Variants in GADL1 observed in about 807,000 individuals in gnomAD.
The protein encoded by GADL1 is GAD like acidic amino acid decarboxylase 1, also known as acidic amino acid decarboxylase GADL1.
GADL1 carries 71 observed loss-of-function variants against 69.5 expected under a neutral mutation model. The ratio of observed to expected loss-of-function variants is 1.02; its 90% CI spans 0.84 to 1.25. The LOEUF is 1.25. Among genes scored for constraint, GADL1 ranks in the 50% most tolerant of loss-of-function variants. The probability of loss-of-function intolerance (pLI) is 0.00; values close to 1 mark genes in which losing one functional copy is unlikely to be tolerated. For missense variants in GADL1, 737 were observed against 631.8 expected (o/e 1.17, Z -1.79); for synonymous variants, 254 against 214.4 (o/e 1.18, Z -1.62).
chr3:30,759,273 C>A (rs192181949), intron 14 of GADL1, among the ~76,000 whole-genome samples: 65 of 151,852 alleles, frequency 4.3e-4, no homozygotes, highest in African/African-American at 1.5e-3. Flanking sequence ...ATCTATAAAT[C>A]TTTTTCTTCC....
chr3:30,827,315 C>T (rs1697696921), intron 11 of GADL1, among the ~76,000 whole-genome samples: 1 of 151,740 alleles, frequency 6.6e-6, no homozygotes, highest in African/African-American at 2.4e-5. Flanking sequence ...CAGTTCAAGC[C>T]CTGCATTAGG....
At chr3:30,851,743 C>A (rs1698150733) in intron 4 of GADL1, among the ~76,000 whole-genome samples, 1 of 152,106 alleles carries the variant, frequency 6.6e-6, no homozygotes, top group Non-Finnish European at 1.5e-5. Context: ...CGAGCGTCAG[C>A]CAAGATTGTC....
At position 30,733,888 on chromosome 3, in the gene GADL1, C is replaced by T. The variant is rs114042484; in HGVS notation, c.1393-5473G>A. Among the ~76,000 whole-genome samples, 224 of 152,180 alleles carry T rather than the reference C, an allele frequency of 1.5e-3. 1 individual carries two copies. Among genetic ancestry groups the T allele is most frequent in the African/African-American group, 5.1e-3 (211 of 41,530 alleles). On this transcript the variant is annotated intron_variant, in intron 14 of 14. Coordinates refer to ENST00000282538, the MANE Select transcript of GADL1 (RefSeq NM_207359.3). ...AATTCAGACTTTGATGGGCTTTCCC[C>T]GTGCCTCCCCCTTCTGAGGGGGTGC...
rs548600426 is a variant in GADL1 at position 30,727,132 on chromosome 3, T to C, written c.*1110A>G. 6.6e-6 allele frequency: 1 copy of C among 150,590 alleles called. No homozygotes were observed. Among genetic ancestry groups the C allele is most frequent in the South Asian group, 2.1e-4 (1 of 4,804 alleles). The allele number at this position is 150,590 out of a possible 1,614,324, so 9.3% of individuals were successfully genotyped here. ...ACACATATGTATGTGTGTGTATATATATACATATATATGTATATATGTATA... is the reference window on the plus strand; with the variant it reads ...ACACATATGTATGTGTGTGTATATACATACATATATATGTATATATGTATA... On this transcript the variant is annotated 3_prime_UTR_variant, in exon 15 of 15. Transcript: ENST00000282538.
At chr3:30,758,916 CCTT>C (rs139949545) in intron 14 of GADL1, among the ~76,000 whole-genome samples, 1 of 152,142 alleles carries the variant, frequency 6.6e-6, no homozygotes, top group African/African-American at 2.4e-5. Context: ...CATTTGATCT[CCTT>C]CTAAAGTCCC....
intron 1 of GADL1, 102 bp downstream of exon 1, chr3:30,894,475 CA>C (rs1169939301): frequency 1.1e-6 from 1 of 950,232 alleles, no homozygotes; most frequent in Non-Finnish European, 1.6e-6. Flanking sequence ...AGCCGCTTTA[CA>C]AAGAAATAAC....
chr3:30,789,425 A>C (rs1248087015), intron 12 of GADL1, among the ~76,000 whole-genome samples: 1 of 152,208 alleles, frequency 6.6e-6, no homozygotes, highest in Non-Finnish European at 1.5e-5. Context: ...AGGCAGAGTA[A>C]GTTTAGCGTA....
intron 14 of GADL1, among the ~76,000 whole-genome samples, chr3:30,775,167 T>A (rs1696507087): frequency 6.6e-6 from 1 of 152,202 alleles, no homozygotes; most frequent in African/African-American, 2.4e-5. Flanking sequence ...TGCACATACT[T>A]GCAAGCATAC....
Position 30,778,258 on chromosome 3 carries a change from G to C in GADL1, c.1313C>G (p.Ala438Gly), listed in dbSNP as rs1164927554. The change falls in exon 14 of 15, where the codon GCC becomes GGC. Residue 438 changes from alanine (A) to glycine (G), a missense_variant. Physicochemically the swap from Ala to Gly is moderately conservative, Grantham distance 60. Coordinates refer to ENST00000282538, the MANE Select transcript of GADL1 (RefSeq NM_207359.3). ...TGGAATGTACCAAAAGCAAATATTGGCATATTCAGGCTGAGAATTAGAAAA... is the reference window on the plus strand; with the variant it reads ...TGGAATGTACCAAAAGCAAATATTGCCATATTCAGGCTGAGAATTAGAAAA... Reference protein sequence around the residue: ...GFKLLMEPEYANICFWYIPPS... With the variant: ...GFKLLMEPEYGNICFWYIPPS... The C allele has an allele frequency of 6.2e-7, 1 of 1,601,154 alleles. No individual in the cohort carries two copies.
chr3:30,731,611 A>G (rs930370299), intron 14 of GADL1, among the ~76,000 whole-genome samples: 1 of 152,202 alleles, frequency 6.6e-6, no homozygotes, highest in East Asian at 1.9e-4. Context: ...GCATGACTGT[A>G]CTTCCATGGG....
At chr3:30,805,910 G>C (rs1697245703) in intron 11 of GADL1, among the ~76,000 whole-genome samples, 1 of 151,724 alleles carries the variant, frequency 6.6e-6, no homozygotes, top group South Asian at 2.1e-4. Flanking sequence ...CTTACGCACG[G>C]TTCACAATAG....
chr3:30,753,702 C>T (rs1381177908), intron 14 of GADL1, among the ~76,000 whole-genome samples: 2 of 152,140 alleles, frequency 1.3e-5, no homozygotes, highest in Non-Finnish European at 2.9e-5. Context: ...AGGAAACCAA[C>T]GTGAATCCAG....
intron 14 of GADL1, among the ~76,000 whole-genome samples, chr3:30,774,171 T>C (rs1361764858): frequency 6.6e-6 from 1 of 152,116 alleles, no homozygotes; most frequent in Non-Finnish European, 1.5e-5. Flanking sequence ...TTTCATGATT[T>C]TGAGAGGGTT....
chr3:30,822,264 C>T (rs1697595487), intron 11 of GADL1, among the ~76,000 whole-genome samples: 1 of 152,006 alleles, frequency 6.6e-6, no homozygotes, highest in Non-Finnish European at 1.5e-5. Context: ...ACCTCAGTAA[C>T]CACTGTTGTA....
intron 14 of GADL1, among the ~76,000 whole-genome samples, chr3:30,745,559 A>G (rs1299154058): frequency 6.6e-6 from 1 of 152,172 alleles, no homozygotes; most frequent in Non-Finnish European, 1.5e-5. Flanking sequence ...ACAGAAGTCA[A>G]TTTTGTTATT....
chr3:30,825,748 A>G (rs1183917035), intron 11 of GADL1, among the ~76,000 whole-genome samples: 1 of 151,806 alleles, frequency 6.6e-6, no homozygotes, highest in Middle Eastern at 3.2e-3. Context: ...GGGAGCGGGG[A>G]ATATCACACA....
intron 12 of GADL1, among the ~76,000 whole-genome samples, chr3:30,797,341 C>G (rs576996773): frequency 6.6e-6 from 1 of 152,276 alleles, no homozygotes; most frequent in African/African-American, 2.4e-5. Context: ...CCACACTACT[C>G]CCAGTATAGA....
intron 1 of GADL1, among the ~76,000 whole-genome samples, chr3:30,868,219 G>A (rs535545435): frequency 2.0e-5 from 3 of 152,092 alleles, no homozygotes; most frequent in Non-Finnish European, 4.4e-5. Flanking sequence ...TTTTATCAAT[G>A]CTTTTAATTG....
intron 14 of GADL1, among the ~76,000 whole-genome samples, chr3:30,768,910 A>AGG (rs968463845): frequency 6.6e-6 from 1 of 152,148 alleles, no homozygotes; most frequent in African/African-American, 2.4e-5. Flanking sequence ...AAGTGCCACC[A>AGG]GGGGGCAGGC....
Sources: allele counts gnomAD v4.1 joint callset (sites outside exome capture counted in the v4.1 genomes callset), GRCh38; gene constraint gnomAD v4.1.1; transcripts MANE v1.5; gene names NCBI Gene and HGNC (gene_info 2026-07-23, HGNC 2026-07-21).